RABGAP1: variants seen among roughly 807,000 people sequenced by gnomAD.
The protein encoded by RABGAP1 is RAB GTPase activating protein 1, also known as rab GTPase-activating protein 1.
In RABGAP1, 23 loss-of-function variants were observed where a neutral mutation model predicts 137.6. The observed-to-expected ratio is 0.17, with a 90% CI of 0.12 to 0.24. The LOEUF (loss-of-function observed/expected upper bound fraction) is 0.24. RABGAP1 is among the 10% of genes least tolerant of loss of function. The pLI is 1.00. For synonymous variants in RABGAP1, 451 were observed against 450.7 expected, an observed-to-expected ratio of 1.00 and a Z score of -0.01; for missense variants, 906 against 1,275.8, an observed-to-expected ratio of 0.71 and a Z score of 4.42.
rs1033703450 is a variant in RABGAP1 at position 123,104,490 on chromosome 9, CCT to C, written c.*1280_*1281del. ...CAGGCTGACACGCAGATGGTTTTGT[CCT>C]CTTTTCTGCGTTCAGTGTTGAGGCG... On this transcript the variant is annotated 3_prime_UTR_variant, in exon 26 of 26. Coordinates refer to ENST00000373647, the MANE Select transcript of RABGAP1 (RefSeq NM_012197.4). The C allele has an allele frequency of 6.6e-5, 10 of 152,280 alleles. No individual in the cohort carries two copies. The highest frequency in any genetic ancestry group is 2.4e-4 in the African/African-American group (10 of 41,396). 9.4% of individuals were successfully genotyped at this position (152,280 alleles called of 1,614,324 possible).
At chr9:123,039,673 A>G (rs1245783530) in intron 13 of RABGAP1, among the ~76,000 whole-genome samples, 1 of 152,230 alleles carries the variant, frequency 6.6e-6, no homozygotes, top group East Asian at 1.9e-4. Context: ...GCTTCGGCCC[A>G]GAGAACTTCA....
chr9:122,990,025 A>G, intron 5 of RABGAP1, 31 bp from the exon 6 acceptor site: 3 of 1,538,192 alleles, frequency 2.0e-6, no homozygotes, highest in Non-Finnish European at 2.7e-6. Flanking sequence ...TCTTTTGATA[A>G]CAGCCCATTT....
intron 10 of RABGAP1, 29 bp downstream of exon 10, chr9:122,998,795 G>T (rs190653195): frequency 7.0e-7 from 1 of 1,422,532 alleles, no homozygotes; most frequent in South Asian, 1.4e-5. Flanking sequence ...AATATAGAAG[G>T]GGGAATAAGA....
At chr9:122,977,923 G>A (rs1204013760) in intron 2 of RABGAP1, among the ~76,000 whole-genome samples, 1 of 152,136 alleles carries the variant, frequency 6.6e-6, no homozygotes, top group Admixed American at 6.5e-5. Flanking sequence ...TCCTGGATGA[G>A]CACCTTTAGT....
the RABGAP1 span, among the ~76,000 whole-genome samples, chr9:122,932,268 T>C: frequency 1.3e-5 from 2 of 152,202 alleles, no homozygotes; most frequent in Non-Finnish European, 2.9e-5. Context: ...GTAATGTTTA[T>C]TACTTTAATC....
chr9:123,000,228 C>G lies in RABGAP1; in HGVS notation c.1374+1462C>G, dbSNP rs80200961. Among the ~76,000 whole-genome samples the G allele has an allele frequency of 6.3e-3, 960 of 152,002 alleles. 14 individuals are homozygous for G. Among genetic ancestry groups the G allele is most frequent in the African/African-American group, 0.022 (924 of 41,478 alleles). ...TGTAGAGACTGTATTCTGTTACTTT[C>G]TTCTGAAGAGTCTTGATTTTTTTTT... On this transcript the variant is annotated intron_variant, in intron 10 of 25. Coordinates refer to ENST00000373647, the MANE Select transcript of RABGAP1 (RefSeq NM_012197.4).
At chr9:123,025,867 A>G (rs2031929845) in intron 13 of RABGAP1, among the ~76,000 whole-genome samples, 1 of 151,638 alleles carries the variant, frequency 6.6e-6, no homozygotes, top group South Asian at 2.1e-4. Context: ...AGCCTACTAC[A>G]TTTTCTTGGT....
intron 20 of RABGAP1, 26 bp from the exon 21 acceptor site, chr9:123,090,249 G>C (rs779079763): frequency 1.3e-6 from 2 of 1,551,908 alleles, no homozygotes; most frequent in Non-Finnish European, 1.8e-6. Flanking sequence ...TTATGTGTCT[G>C]TAACTGGTTT....
intron 1 of RABGAP1, among the ~76,000 whole-genome samples, chr9:122,942,161 C>CA (rs1313566655): frequency 6.6e-6 from 1 of 151,112 alleles, no homozygotes; most frequent in African/African-American, 2.4e-5. Context: ...GTTTCGGAAA[C>CA]AAAAAACAAA....
At chr9:122,977,740 T>G (rs1664479224) in intron 2 of RABGAP1, among the ~76,000 whole-genome samples, 1 of 151,516 alleles carries the variant, frequency 6.6e-6, no homozygotes, top group Non-Finnish European at 1.5e-5. Context: ...AGAGGATCAG[T>G]GGCTTAAGTT....
chr9:123,080,153 G>C (rs904457339), intron 19 of RABGAP1, among the ~76,000 whole-genome samples: 6 of 152,204 alleles, frequency 3.9e-5, no homozygotes, highest in African/African-American at 2.4e-5. Flanking sequence ...GGAAAGGTGG[G>C]GAAAGTCCAG....
At chr9:122,957,458 T>C (rs1030469398) in intron 2 of RABGAP1, among the ~76,000 whole-genome samples, 1 of 152,220 alleles carries the variant, frequency 6.6e-6, no homozygotes, top group African/African-American at 2.4e-5. Context: ...TATAAACATT[T>C]GTCATTTTAG....
At chr9:123,053,086 A>AG (rs1311599648) in intron 13 of RABGAP1, among the ~76,000 whole-genome samples, 3 of 152,256 alleles carry the variant, frequency 2.0e-5, no homozygotes, top group Non-Finnish European at 4.4e-5. Flanking sequence ...GGCATTCCTT[A>AG]GATGGGTTCA....
chr9:122,943,023 TAAAA>T (rs200310242), intron 1 of RABGAP1, among the ~76,000 whole-genome samples: 3 of 141,782 alleles, frequency 2.1e-5, no homozygotes, highest in Non-Finnish European at 3.0e-5. Flanking sequence ...AAATAAAAAA[TAAAA>T]AAACAACAAA....
At chr9:122,949,525 A>G (rs1232966250) in intron 1 of RABGAP1, among the ~76,000 whole-genome samples, 1 of 151,530 alleles carries the variant, frequency 6.6e-6, no homozygotes, top group Non-Finnish European at 1.5e-5. Flanking sequence ...AAAAACAACA[A>G]TAACAAAACA....
At chr9:123,050,374 A>G (rs2033401284) in intron 13 of RABGAP1, among the ~76,000 whole-genome samples, 1 of 152,232 alleles carries the variant, frequency 6.6e-6, no homozygotes, top group Non-Finnish European at 1.5e-5. Context: ...GCAAATCACC[A>G]GGGTAAATAC....
At position 122,984,556 on chromosome 9, in the gene RABGAP1, C is replaced by T. The variant is rs758260473; in HGVS notation, c.222C>T (p.Asp74=). The T allele has an allele frequency of 5.1e-5, 82 of 1,614,040 alleles. 1 individual carries two copies. The highest frequency in any genetic ancestry group is 2.9e-4 in the South Asian group (26 of 91,084). Residue 74 remains aspartate (D), a synonymous_variant, in exon 3 of 26, where the codon GAC becomes GAT. Coordinates refer to ENST00000373647, the MANE Select transcript of RABGAP1 (RefSeq NM_012197.4). The stretch of plus-strand genomic sequence containing the variant: ...ATGTACTGATGGATCCTCCAATGGA[C>T]GACCAGCCAGGGGAAAAGGAGCTTG... The part of the protein sequence containing the change: ...LADVLMDPPM[D]DQPGEKELVK...
chr9:122,963,323 A>G (rs1468918971), intron 2 of RABGAP1, among the ~76,000 whole-genome samples: 1 of 152,256 alleles, frequency 6.6e-6, no homozygotes, highest in Non-Finnish European at 1.5e-5. Context: ...ATAAGGAGAT[A>G]GAAGCCTTAA....
Position 123,049,696 on chromosome 9 carries a change from C to A in RABGAP1, c.1795-15652C>A, listed in dbSNP as rs186551482. ...ACTGTATACTGTCTAATTGCAGATC[C>A]CCGACAGGGCACTAAGTCCCAAACA... On this transcript the variant is annotated intron_variant, in intron 13 of 25. Coordinates refer to ENST00000373647, the MANE Select transcript of RABGAP1 (RefSeq NM_012197.4). Among the ~76,000 whole-genome samples the A allele has an allele frequency of 3.4e-3, 518 of 152,226 alleles. 2 individuals are homozygous for A. Among genetic ancestry groups the A allele is most frequent in the Non-Finnish European group, 5.9e-3 (398 of 68,024 alleles).
Sources: allele counts gnomAD v4.1 joint callset (sites outside exome capture counted in the v4.1 genomes callset), GRCh38; gene constraint gnomAD v4.1.1; transcripts MANE v1.5; gene names NCBI Gene and HGNC (gene_info 2026-07-23, HGNC 2026-07-21).